CCBE1: variants seen among roughly 807,000 people sequenced by gnomAD.
CCBE1 encodes collagen and calcium binding EGF domains 1, also known as collagen and calcium-binding EGF domain-containing protein 1.
CCBE1 carries 37 observed loss-of-function variants against 50.0 expected under a neutral mutation model. The observed-to-expected ratio is 0.74, with a 90% CI of 0.57 to 0.97. The LOEUF (loss-of-function observed/expected upper bound fraction) is 0.97. Ranked by LOEUF, CCBE1 falls within the 50% of genes least tolerant of loss-of-function variation. CCBE1 has a pLI of 0.00. For missense variants in CCBE1, 538 were observed against 523.8 expected (o/e 1.03, Z -0.26); for synonymous variants, 234 against 203.7 (o/e 1.15, Z -1.27).
intron 2 of CCBE1, among the ~76,000 whole-genome samples, chr18:59,509,339 T>C (rs936796048): frequency 7.2e-5 from 11 of 151,998 alleles, no homozygotes; most frequent in East Asian, 1.9e-4. Flanking sequence ...TATATATATA[T>C]ACACACACAC....
At chr18:59,660,113 C>A (rs2054262141) in intron 2 of CCBE1, among the ~76,000 whole-genome samples, 2 of 152,160 alleles carry the variant, frequency 1.3e-5, no homozygotes, top group Admixed American at 1.3e-4. Flanking sequence ...TGTACGTGGG[C>A]ACCCAGCTGA....
chr18:59,674,645 G>C (rs1004239735), intron 2 of CCBE1, among the ~76,000 whole-genome samples: 1 of 152,024 alleles, frequency 6.6e-6, no homozygotes, highest in African/African-American at 2.4e-5. Context: ...AATAAACAAG[G>C]TCAATAAGAA....
At chr18:59,589,951 TAAGA>T (rs2053238535) in intron 2 of CCBE1, among the ~76,000 whole-genome samples, 1 of 152,160 alleles carries the variant, frequency 6.6e-6, no homozygotes, top group Non-Finnish European at 1.5e-5. Flanking sequence ...TCCATAGTGC[TAAGA>T]AAAAGCTTCT....
chr18:59,480,230 C>A lies in CCBE1; in HGVS notation c.221G>T (p.Cys74Phe), dbSNP rs1220867161. 2 of 1,595,230 alleles carry A rather than the reference C, an allele frequency of 1.3e-6. No individual in the cohort carries two copies. Among genetic ancestry groups the A allele is most frequent in the Non-Finnish European group, 1.7e-6 (2 of 1,163,508 alleles). ...GELTTCYRKKCCKGYKFVLGQ... is the reference protein window; with the variant it reads ...GELTTCYRKKFCKGYKFVLGQ... ...AAGAACAAATTTATATCCTTTGCAG[C>A]ACTTTTTCCTAAGAGACAAACAAAC... The change falls in exon 3 of 11, where the codon TGC becomes TTC. Residue 74 changes from cysteine to phenylalanine, a missense_variant. Cys to Phe is a radical substitution (Grantham distance 205, BLOSUM62 -2). Coordinates refer to ENST00000439986, the MANE Select transcript of CCBE1 (RefSeq NM_133459.4).
At chr18:59,690,326 A>G (rs2054713185) in intron 2 of CCBE1, among the ~76,000 whole-genome samples, 1 of 152,240 alleles carries the variant, frequency 6.6e-6, no homozygotes, top group South Asian at 2.1e-4. Flanking sequence ...GAGGAACTGC[A>G]GATGTTATAG....
chr18:59,595,217 T>C (rs71357645), intron 2 of CCBE1, among the ~76,000 whole-genome samples: 14 of 149,522 alleles, frequency 9.4e-5, no homozygotes, highest in African/African-American at 3.3e-4. Flanking sequence ...GTATCTACTG[T>C]TTTTTGCTTT....
intron 2 of CCBE1, among the ~76,000 whole-genome samples, chr18:59,518,611 C>T (rs934502519): frequency 6.6e-6 from 1 of 152,172 alleles, no homozygotes; most frequent in South Asian, 2.1e-4. Flanking sequence ...AGGTAGCTCC[C>T]CTTAAAATGG....
chr18:59,618,414 C>G (rs899468144), intron 2 of CCBE1, among the ~76,000 whole-genome samples: 3 of 151,632 alleles, frequency 2.0e-5, no homozygotes, highest in Non-Finnish European at 2.9e-5. Context: ...ACACATACAT[C>G]TAACATATCC....
At chr18:59,648,259 A>T (rs1372360044) in intron 2 of CCBE1, among the ~76,000 whole-genome samples, 1 of 152,212 alleles carries the variant, frequency 6.6e-6, no homozygotes, top group Admixed American at 6.5e-5. Context: ...AATGGTGGAG[A>T]AAAGAAAGAA....
rs1359157116 is a variant in CCBE1, at chr18:59,633,608, G to T, written c.212+63021C>A. Among the ~76,000 whole-genome samples the T allele has an allele frequency of 2.0e-5, 3 of 152,132 alleles. No individual in the cohort carries two copies. The East Asian group carries it at 5.8e-4, about 29-fold the overall frequency. On this transcript the variant is annotated intron_variant, in intron 2 of 10. Coordinates refer to ENST00000439986, the MANE Select transcript of CCBE1 (RefSeq NM_133459.4). Reference sequence around the variant, plus strand: ...TCACGCAGTTAATAAAGGATACTCAGCCAGCAGTGACCCTAGAGGCAAAAC... The same window carrying T: ...TCACGCAGTTAATAAAGGATACTCATCCAGCAGTGACCCTAGAGGCAAAAC...
At position 59,434,245 on chromosome 18, in the gene CCBE1, A is replaced by C. The variant is rs1194451700; in HGVS notation, c.*1663T>G. 6.6e-6 allele frequency: 1 copy of C among 152,222 alleles called. No individual in the cohort carries two copies. The highest frequency in any genetic ancestry group is 2.4e-5 in the African/African-American group (1 of 41,442). 9.4% of individuals were successfully genotyped at this position (152,222 alleles called of 1,614,324 possible). ...TAGTGGAGTTAAATGATGTGGGCTA[A>C]AAGGTGGAGGCAAAAAAGCCAAAAA... On this transcript the variant is annotated 3_prime_UTR_variant, in exon 11 of 11. Coordinates refer to ENST00000439986, the MANE Select transcript of CCBE1 (RefSeq NM_133459.4).
At chr18:59,586,008 C>T (rs181485437) in intron 2 of CCBE1, among the ~76,000 whole-genome samples, 1 of 152,136 alleles carries the variant, frequency 6.6e-6, no homozygotes, top group Non-Finnish European at 1.5e-5. Context: ...GAAAATCTTT[C>T]TTTTTAGTAA....
intron 2 of CCBE1, among the ~76,000 whole-genome samples, chr18:59,578,893 A>C (rs2144504208): frequency 6.6e-6 from 1 of 152,322 alleles, no homozygotes; most frequent in Non-Finnish European, 1.5e-5. Flanking sequence ...GCACGAGTTT[A>C]CCTATGTAAC....
At chr18:59,620,917 G>A (rs1231560103) in intron 2 of CCBE1, among the ~76,000 whole-genome samples, 1 of 152,176 alleles carries the variant, frequency 6.6e-6, no homozygotes, top group Non-Finnish European at 1.5e-5. Flanking sequence ...CCCTGCACTG[G>A]CCAGGGCTGT....
intron 2 of CCBE1, among the ~76,000 whole-genome samples, chr18:59,569,876 C>CT (rs1435058901): frequency 3.3e-5 from 5 of 152,192 alleles, no homozygotes; most frequent in Admixed American, 1.3e-4. Context: ...AGTGATCCTC[C>CT]TGTCTGGGCC....
intron 2 of CCBE1, among the ~76,000 whole-genome samples, chr18:59,622,990 G>A (rs949969272): frequency 1.3e-5 from 2 of 152,030 alleles, no homozygotes; most frequent in Non-Finnish European, 2.9e-5. Context: ...AGTGACAAGA[G>A]TGAAAACTAA....
intron 2 of CCBE1, among the ~76,000 whole-genome samples, chr18:59,557,304 C>T (rs569464507): frequency 6.6e-6 from 1 of 152,280 alleles, no homozygotes; most frequent in Admixed American, 6.5e-5. Flanking sequence ...AAATACCAGC[C>T]CTGCTGATTT....
chr18:59,495,800 G>A (rs990403162), intron 2 of CCBE1, among the ~76,000 whole-genome samples: 3 of 152,158 alleles, frequency 2.0e-5, no homozygotes, highest in East Asian at 1.9e-4. Context: ...GGGGCACTGC[G>A]GCCGCCCTGG....
intron 2 of CCBE1, among the ~76,000 whole-genome samples, chr18:59,489,987 G>GTTTTTTTTT (rs199609938): frequency 8.2e-6 from 1 of 122,238 alleles, no homozygotes; most frequent in Non-Finnish European, 1.6e-5. Flanking sequence ...CGCATAAGGA[G>GTTTTTTTTT]TTTTTTTTTT....
Sources: allele counts gnomAD v4.1 joint callset (sites outside exome capture counted in the v4.1 genomes callset), GRCh38; gene constraint gnomAD v4.1.1; transcripts MANE v1.5; gene names NCBI Gene and HGNC (gene_info 2026-07-23, HGNC 2026-07-21).